The following ARHGAP10 variants were observed in gnomAD, a reference collection of about 807,000 sequenced individuals.
The protein encoded by ARHGAP10 is Rho GTPase activating protein 10, also known as rho GTPase-activating protein 10.
ARHGAP10 carries 87 observed loss-of-function variants against 108.6 expected under a neutral mutation model. The observed-to-expected ratio is 0.80, with a 90% CI of 0.67 to 0.96. ARHGAP10 has a LOEUF of 0.96. Ranked by LOEUF, ARHGAP10 falls within the 40% of genes least tolerant of loss-of-function variation. The probability of loss-of-function intolerance (pLI) is 0.00; values close to 1 mark genes in which losing one functional copy is unlikely to be tolerated. For synonymous variants in ARHGAP10, 347 were observed against 341.1 expected (o/e 1.02, Z -0.19); for missense variants, 939 against 954.5 (o/e 0.98, Z 0.21).
At chr4:147,826,857 C>G (rs1439432248) in intron 3 of ARHGAP10, among the ~76,000 whole-genome samples, 1 of 152,060 alleles carries the variant, frequency 6.6e-6, no homozygotes, top group Non-Finnish European at 1.5e-5. Flanking sequence ...TTTCCTGATA[C>G]TCATTCCAAT....
At chr4:148,008,546 G>A (rs1741039776) in intron 18 of ARHGAP10, among the ~76,000 whole-genome samples, 1 of 151,326 alleles carries the variant, frequency 6.6e-6, no homozygotes, top group Admixed American at 6.6e-5. Context: ...CAGTGCACAG[G>A]GCAATCCCTC....
intron 13 of ARHGAP10, among the ~76,000 whole-genome samples, chr4:147,929,124 CAGAAAGTTTAA>C (rs1737573250): frequency 6.6e-6 from 1 of 152,122 alleles, no homozygotes; most frequent in South Asian, 2.1e-4. Flanking sequence ...TACCAAGGTC[CAGAAAGTTTAA>C]AATGTTATTC....
intron 1 of ARHGAP10, among the ~76,000 whole-genome samples, chr4:147,820,871 G>C (rs940673113): frequency 3.3e-5 from 5 of 152,040 alleles, no homozygotes; most frequent in Admixed American, 1.3e-4. Flanking sequence ...GATGACAGGC[G>C]TGAACCACCA....
chr4:148,059,825 A>G (rs1403815295), intron 20 of ARHGAP10, among the ~76,000 whole-genome samples: 1 of 152,192 alleles, frequency 6.6e-6, no homozygotes, highest in Non-Finnish European at 1.5e-5. Flanking sequence ...CACAGCAATG[A>G]CAGTATCAGT....
chr4:147,806,181 A>G (rs1731776402), intron 1 of ARHGAP10, among the ~76,000 whole-genome samples: 1 of 151,954 alleles, frequency 6.6e-6, no homozygotes, highest in South Asian at 2.1e-4. Flanking sequence ...CCATCTTACC[A>G]CCTCAGTGTC....
intron 1 of ARHGAP10, among the ~76,000 whole-genome samples, chr4:147,798,767 CTCTCTCTCTCTCTCTATATATATATA>C (rs1428195347): frequency 3.6e-3 from 24 of 6,654 alleles, no homozygotes; most frequent in South Asian, 0.037. Context: ...CTCTCTCTCT[CTCTCTCTCTCTCTCTATATATATATA>C]TATATATATA....
intron 1 of ARHGAP10, chr4:147,809,290 C>T (rs1463834900): frequency 1.3e-5 from 2 of 152,190 alleles, no homozygotes; most frequent in Admixed American, 6.5e-5. Context: ...CTGGCCCTGA[C>T]CTCTATCTGC....
At chr4:148,025,245 T>C (rs1378463128) in intron 19 of ARHGAP10, among the ~76,000 whole-genome samples, 1 of 152,218 alleles carries the variant, frequency 6.6e-6, no homozygotes, top group African/African-American at 2.4e-5. Context: ...GAAAGGATTG[T>C]CAGCTACTTA....
intron 12 of ARHGAP10, among the ~76,000 whole-genome samples, chr4:147,910,195 TTTG>T (rs986513305): frequency 1.3e-5 from 2 of 151,984 alleles, no homozygotes; most frequent in Admixed American, 6.6e-5. Flanking sequence ...TTTTAATTTT[TTTG>T]TTGTTGTTGA....
chr4:148,043,652 T>TATATATATATATATATATA (rs1728740400), intron 19 of ARHGAP10, among the ~76,000 whole-genome samples: 5 of 111,666 alleles, frequency 4.5e-5, no homozygotes, highest in African/African-American at 9.7e-5. Context: ...TATATATATA[T>TATATATATATATATATATA]TTTAGGTGTA....
rs549355620 is a variant in ARHGAP10, at chr4:147,877,819, C to CTTTTTTTTTT, written c.833-1407_833-1398dup. On this transcript the variant is annotated intron_variant, in intron 8 of 22. Transcript: ENST00000336498. The stretch of plus-strand genomic sequence containing the variant: ...AGTCTTAGATTTCTTATTCTTCATA[C>CTTTTTTTTTT]TTTTTTTTTTTTTTTGCTGAGATTA... Among the ~76,000 whole-genome samples the CTTTTTTTTTT allele has an allele frequency of 6.8e-3, 891 of 131,270 alleles. 33 individuals are homozygous for CTTTTTTTTTT. Among genetic ancestry groups the CTTTTTTTTTT allele is most frequent in the African/African-American group, 0.024 (751 of 31,666 alleles). The allele number at this position is 131,270 out of a possible 152,430, so 86.1% of individuals were successfully genotyped here.
At chr4:147,917,099 C>T (rs533145170) in intron 13 of ARHGAP10, 53 of 152,314 alleles carry the variant, frequency 3.5e-4, no homozygotes, top group African/African-American at 1.1e-3. Flanking sequence ...TCAAAGATCG[C>T]ATGCACTTGG....
chr4:147,734,985 G>A (rs768328448), intron 1 of ARHGAP10, among the ~76,000 whole-genome samples: 1 of 152,074 alleles, frequency 6.6e-6, no homozygotes, highest in Non-Finnish European at 1.5e-5. Flanking sequence ...TGCCCTGCAC[G>A]GTGTCTCCTG....
chr4:147,976,867 A>G (rs147131973), intron 18 of ARHGAP10, among the ~76,000 whole-genome samples: 1 of 152,352 alleles, frequency 6.6e-6, no homozygotes, highest in African/African-American at 2.4e-5. Flanking sequence ...GAAGGGCTCC[A>G]ATATAAAGTG....
chr4:147,996,936 T>C (rs1308026513), intron 18 of ARHGAP10, among the ~76,000 whole-genome samples: 1 of 152,160 alleles, frequency 6.6e-6, no homozygotes, highest in Non-Finnish European at 1.5e-5. Context: ...AGCACCATGG[T>C]CTTGGACTTG....
chr4:148,035,630 G>A (rs1728346161), intron 19 of ARHGAP10, among the ~76,000 whole-genome samples: 1 of 152,166 alleles, frequency 6.6e-6, no homozygotes, highest in Admixed American at 6.5e-5. Flanking sequence ...CCCTTACCCT[G>A]GATGGCATTA....
At chr4:147,766,145 C>G (rs1190228723) in intron 1 of ARHGAP10, among the ~76,000 whole-genome samples, 1 of 151,962 alleles carries the variant, frequency 6.6e-6, no homozygotes, top group Non-Finnish European at 1.5e-5. Context: ...AATAAATTAG[C>G]CAGGTGTGGT....
intron 20 of ARHGAP10, among the ~76,000 whole-genome samples, chr4:148,055,394 G>C (rs768946775): frequency 6.6e-6 from 1 of 152,162 alleles, no homozygotes. Flanking sequence ...TCCTGCAAAA[G>C]ATATTTGTTC....
intron 20 of ARHGAP10, among the ~76,000 whole-genome samples, 190 bp from the exon 21 acceptor site, chr4:148,062,958 G>C (rs1729685411): frequency 6.6e-6 from 1 of 152,150 alleles, no homozygotes. Context: ...TGGGGCTGTG[G>C]CTGGTTTCTG....
Sources: gnomAD v4.1 joint callset for allele counts (sites outside exome capture counted in the v4.1 genomes callset) on GRCh38, gnomAD v4.1.1 for gene constraint, MANE v1.5 for transcripts, NCBI Gene and HGNC (gene_info 2026-07-23, HGNC 2026-07-21) for gene names.